The following CWC22 variants were observed in gnomAD, a reference collection of about 807,000 sequenced individuals.
The protein encoded by CWC22 is pre-mRNA-splicing factor CWC22 homolog.
CWC22 carries 53 observed loss-of-function variants against 117.2 expected under a neutral mutation model. The observed-to-expected ratio is 0.45, with a 90% CI of 0.36 to 0.57. CWC22 has a LOEUF of 0.57. CWC22 is among the 20% of genes least tolerant of loss of function. The pLI, the probability that CWC22 is intolerant of heterozygous loss-of-function variation, is 0.00. For synonymous variants in CWC22, 360 were observed against 355.6 expected (o/e 1.01, Z -0.14); for missense variants, 980 against 1,068.8 (o/e 0.92, Z 1.16).
At chr2:179,980,227 C>T (rs779799389) in intron 5 of CWC22, among the ~76,000 whole-genome samples, 15 of 152,102 alleles carry the variant, frequency 9.9e-5, no homozygotes, top group Non-Finnish European at 1.8e-4. Context: ...TCCTACTAAC[C>T]ACAGAAGCCA....
chr2:179,967,911 CT>C (rs1686932393), intron 11 of CWC22, among the ~76,000 whole-genome samples: 1 of 152,064 alleles, frequency 6.6e-6, no homozygotes, highest in African/African-American at 2.4e-5. Flanking sequence ...CAAACTGAGA[CT>C]GTCACTTTGG....
intron 6 of CWC22, among the ~76,000 whole-genome samples, chr2:179,976,341 A>T (rs1337638475): frequency 6.6e-6 from 1 of 152,176 alleles, no homozygotes; most frequent in East Asian, 1.9e-4. Context: ...AAGCTCTGAG[A>T]CACTGGTATG....
In CWC22 at chr2:179,986,919, T is replaced by C. The variant is rs1026307367; in HGVS notation, c.96-114A>G. The C allele has an allele frequency of 7.5e-6, 4 of 535,908 alleles. No homozygotes were observed. The African/African-American group carries it at 7.8e-5, about 10-fold the overall frequency. The allele number at this position is 535,908 out of a possible 1,614,324, so 33.2% of individuals were successfully genotyped here. A position where few individuals can be genotyped will look rare whatever the true frequency, so the allele number is the denominator to read the frequency against. On this transcript the variant is annotated intron_variant, in intron 3 of 19. Transcript: ENST00000410053. ...AACTCTATGACTGAACAACATCGTG[T>C]CAAACTGTTCTTAACAGCTCATTTT...
chr2:179,961,563 A>G (rs186607895), intron 13 of CWC22, among the ~76,000 whole-genome samples: 143 of 152,162 alleles, frequency 9.4e-4, no homozygotes, highest in Middle Eastern at 3.4e-3. Flanking sequence ...AAAACATTTA[A>G]AACAGATGTG....
intron 14 of CWC22, among the ~76,000 whole-genome samples, chr2:179,956,547 T>C (rs892576931): frequency 1.3e-5 from 2 of 150,918 alleles, no homozygotes; most frequent in Non-Finnish European, 3.0e-5. Context: ...CTTTACAACA[T>C]AGGGCTGGCT....
At chr2:179,982,689 T>C (rs1687315151) in intron 4 of CWC22, among the ~76,000 whole-genome samples, 1 of 152,226 alleles carries the variant, frequency 6.6e-6, no homozygotes. Flanking sequence ...CTAGCCACAA[T>C]GTCTTCCCTA....
rs1388033238 is a variant in CWC22, at chr2:180,007,283, C to CA, written c.-531dup. On this transcript the variant is annotated 5_prime_UTR_variant, in exon 1 of 20. Coordinates refer to ENST00000410053, the MANE Select transcript of CWC22 (RefSeq NM_020943.3). The stretch of plus-strand genomic sequence containing the variant: ...CACTGTCTTGTTGCCAAAATGGCGA[C>CA]AAAAAAGAGAAGTTGGCATGAACTA... Among the ~76,000 whole-genome samples the CA allele has an allele frequency of 4.6e-5, 7 of 152,074 alleles. No homozygotes were observed. The highest frequency in any genetic ancestry group is 1.0e-4 in the Non-Finnish European group (7 of 68,010).
At chr2:179,959,168 T>C in intron 13 of CWC22, 86 bp from the exon 14 acceptor site, 1 of 810,644 alleles carries the variant, frequency 1.2e-6, no homozygotes, top group South Asian at 1.7e-5. Flanking sequence ...ATAATGGTTT[T>C]AAATCATCTT....
Position 180,003,301 on chromosome 2 carries a change from C to A in CWC22, c.-114+3566G>T, listed in dbSNP as rs180958058. On this transcript the variant is annotated intron_variant, in intron 1 of 19. Transcript: ENST00000410053. ...AAAAATACTAGTTCCTTTGCAGGCA[C>A]TGCAAAAGGAAATCTGTCCCTGAAG... Among the ~76,000 whole-genome samples, 430 of 152,324 alleles carry A rather than the reference C, an allele frequency of 2.8e-3. 1 individual carries two copies. Among genetic ancestry groups the A allele is most frequent in the Non-Finnish European group, 4.6e-3 (315 of 68,040 alleles).
rs1309703874 is a variant in CWC22, at chr2:179,990,262, AATAT to A, written c.28-1622_28-1619del. Among the ~76,000 whole-genome samples the A allele has an allele frequency of 4.6e-5, 7 of 152,328 alleles. No homozygotes were observed. In the East Asian group the frequency reaches 1.3e-3, roughly 29 times the overall value. ...TCAACACAGTGAAATAGAAATGTTC[AATAT>A]ATATGACATAGGTTTCTATAAAACT... is the stretch of plus-strand genomic sequence containing the variant. On this transcript the variant is annotated intron_variant, in intron 2 of 19. Coordinates refer to ENST00000410053, the MANE Select transcript of CWC22 (RefSeq NM_020943.3).
intron 1 of CWC22, 34 bp from the exon 2 acceptor site, chr2:179,993,488 C>T (rs1687622410): frequency 1.7e-6 from 1 of 600,202 alleles, no homozygotes; most frequent in East Asian, 2.9e-5. Context: ...TTTATTAACA[C>T]TAACAAAGTG....
At chr2:180,004,753 C>A (rs1186394393) in intron 1 of CWC22, among the ~76,000 whole-genome samples, 1 of 147,258 alleles carries the variant, frequency 6.8e-6, no homozygotes, top group South Asian at 2.2e-4. Flanking sequence ...GCTAACAGAG[C>A]TAAGAAAGCT....
chr2:179,972,355 C>G (rs2105529652), intron 8 of CWC22, among the ~76,000 whole-genome samples: 1 of 152,186 alleles, frequency 6.6e-6, no homozygotes, highest in Middle Eastern at 3.4e-3. Context: ...TAAATCAAAA[C>G]CATCAAATAA....
chr2:179,971,028 G>T lies in CWC22; in HGVS notation c.853C>A (p.Pro285Thr). The T allele has an allele frequency of 6.2e-7, 1 of 1,609,442 alleles. No homozygotes were observed. Reference protein sequence around the residue: ...LEMLTLLLERPTDDSVEVAIG... With the variant: ...LEMLTLLLERTTDDSVEVAIG... ...GCTACTTCAACGCTATCATCTGTTG[G>T]TCTTTCCAGGAGCAAAGTGAGCATC... is the stretch of plus-strand genomic sequence containing the variant. The change falls in exon 9 of 20, where the codon CCA becomes ACA. Residue 285 changes from proline (P) to threonine (T), a missense_variant. Physicochemically the swap from Pro to Thr is conservative, Grantham distance 38. Transcript: ENST00000410053.
chr2:179,981,860 G>C lies in CWC22; in HGVS notation c.344C>G (p.Thr115Arg), dbSNP rs1687295152. The C allele has an allele frequency of 1.9e-6, 3 of 1,613,300 alleles. No homozygotes were observed. In the South Asian group the frequency reaches 3.3e-5, roughly 18 times the overall value. ...QSSSAQDEPA[T>R]KKKKDELDPL... ...ATCCAGCTCATCTTTCTTTTTCTTT[G>C]TAGCAGGTTCATCCTGAGCAGAGGA... The change falls in exon 5 of 20, where the codon ACA becomes AGA. Residue 115 changes from threonine (T) to arginine (R), a missense_variant. By Grantham distance (71) the Thr-to-Arg change is moderately conservative. Transcript: ENST00000410053.
At position 179,973,815 on chromosome 2, in the gene CWC22, G is replaced by T. The variant is rs561404010; in HGVS notation, c.582-13C>A. ...GGACAGCAGTCCTCTGTTTAAAAAA[G>T]AATTTAAAAAGGAGTCAACAATAAT... On this transcript the variant is annotated splice_polypyrimidine_tract_variant and intron_variant, in intron 6 of 19. Coordinates refer to ENST00000410053, the MANE Select transcript of CWC22 (RefSeq NM_020943.3). 3.4e-6 allele frequency: 5 copies of T among 1,479,004 alleles called. No individual in the cohort carries two copies. The highest frequency in any genetic ancestry group is 2.9e-5 in the African/African-American group (2 of 69,602). 91.6% of individuals were successfully genotyped at this position (1,479,004 alleles called of 1,614,324 possible).
chr2:179,951,876 A>G (rs1686458819), intron 17 of CWC22, among the ~76,000 whole-genome samples: 1 of 152,082 alleles, frequency 6.6e-6, no homozygotes. Flanking sequence ...AGTCAACTGC[A>G]TAAGTGAGGC....
rs2105555591 is a variant in CWC22 at position 179,993,380 on chromosome 2, C to T, written c.-39G>A. 6.8e-7 allele frequency: 1 copy of T among 1,475,788 alleles called. No individual in the cohort carries two copies. The highest frequency in any genetic ancestry group is 2.0e-5 in the Admixed American group (1 of 51,152). The allele number at this position is 1,475,788 out of a possible 1,614,324, so 91.4% of individuals were successfully genotyped here. On this transcript the variant is annotated 5_prime_UTR_variant, in exon 2 of 20. Coordinates refer to ENST00000410053, the MANE Select transcript of CWC22 (RefSeq NM_020943.3). ...TTGGTCCAATAAATCAAAGATGCTT[C>T]AAACTGGTCCAAATAACAAGTACCC...
chr2:179,978,986 C>T (rs1403332400), intron 5 of CWC22, among the ~76,000 whole-genome samples: 1 of 152,128 alleles, frequency 6.6e-6, no homozygotes, highest in African/African-American at 2.4e-5. Flanking sequence ...AATTACTTGG[C>T]CTCATTGAGT....
Sources: gnomAD v4.1 joint callset for allele counts (sites outside exome capture counted in the v4.1 genomes callset) on GRCh38, gnomAD v4.1.1 for gene constraint, MANE v1.5 for transcripts, NCBI Gene and HGNC (gene_info 2026-07-23, HGNC 2026-07-21) for gene names.